The following MACF1 variants were observed in gnomAD, a reference collection of about 807,000 sequenced individuals.
The protein encoded by MACF1 is microtubule actin crosslinking factor 1, also known as microtubule-actin cross-linking factor 1.
Under a neutral mutation model 854.8 loss-of-function variants are expected in MACF1, and 193 were observed. That is an observed-to-expected ratio of 0.23 (90% CI 0.20 to 0.25). The LOEUF is 0.25. Among genes scored for constraint, MACF1 ranks in the 10% least tolerant of loss-of-function variants. The pLI is 1.00. For missense variants in MACF1, 7,722 were observed against 8,929.1 expected (o/e 0.86, Z 5.45); for synonymous variants, 3,185 against 3,226.7 (o/e 0.99, Z 0.44).
chr1:39,297,783 AAG>A (rs767244643), intron 21 of MACF1, 38 bp downstream of exon 21: 3 of 1,610,782 alleles, frequency 1.9e-6, no homozygotes, highest in African/African-American at 1.3e-5. Flanking sequence ...ACTTCTGAGA[AAG>A]AGAGTAAACC....
rs986994528 is a variant in MACF1, at chr1:39,254,126, C to T, written c.358-172C>T. 1.8e-4 allele frequency: 105 copies of T among 583,986 alleles called. 1 individual carries two copies. In the South Asian group the frequency reaches 2.1e-3, roughly 12 times the overall value. 36.2% of individuals were successfully genotyped at this position (583,986 alleles called of 1,614,324 possible). A position where few individuals can be genotyped will look rare whatever the true frequency, so the allele number is the denominator to read the frequency against. Reference sequence around the variant, plus strand: ...ATTTGGGGACCTCAGAGAGCCTGGTCGAAACACGTACAGGCCTGGTCTTAG... The same window carrying T: ...ATTTGGGGACCTCAGAGAGCCTGGTTGAAACACGTACAGGCCTGGTCTTAG... On this transcript the variant is annotated intron_variant, in intron 4 of 100. Coordinates refer to ENST00000564288, the MANE Select transcript of MACF1 (RefSeq NM_001394062.1).
At chr1:39,469,483 C>T in intron 96 of MACF1, 64 bp from the exon 97 acceptor site, 6 of 1,263,428 alleles carry the variant, frequency 4.7e-6, no homozygotes, top group Non-Finnish European at 6.8e-6. Flanking sequence ...ATTTGTCTTT[C>T]TTGACTAGTT....
At chr1:39,422,985 C>A in intron 60 of MACF1, 85 bp downstream of exon 60, 2 of 1,280,136 alleles carry the variant, frequency 1.6e-6, no homozygotes, top group South Asian at 1.4e-5. Flanking sequence ...AGAAGCAGTT[C>A]AGGAGTTTTA....
chr1:39,232,746 GTTTTTTTTTT>G (rs10712180), intron 2 of MACF1, among the ~76,000 whole-genome samples: 5 of 128,488 alleles, frequency 3.9e-5, no homozygotes, highest in African/African-American at 5.8e-5. Context: ...TACTCTCTTT[GTTTTTTTTTT>G]TTTTTTTTTT....
At position 39,322,670 on chromosome 1, in the gene MACF1, C is replaced by T; in HGVS notation, c.4092C>T (p.Gly1364=). The change falls in exon 32 of 101, where the codon GGC becomes GGT. Residue 1364 remains glycine, a synonymous_variant. Coordinates refer to ENST00000564288, the MANE Select transcript of MACF1 (RefSeq NM_001394062.1). ...AFVESQQKSP[G]KRRRMLSSSD... ...TGGAATCGCAGCAGAAATCCCCTGG[C>T]AAGCGCCGTCGCATGCTTTCCTCTT... 1 of 1,614,138 alleles carries T rather than the reference C, an allele frequency of 6.2e-7. No individual in the cohort carries two copies.
chr1:39,414,535 C>T, intron 58 of MACF1: 1 of 1,601,922 alleles, frequency 6.2e-7, no homozygotes, highest in Non-Finnish European at 8.5e-7. Context: ...ATTTGCAGGG[C>T]TGACCTGGTG....
chr1:39,152,328 G>A (rs1305136856), intron 2 of MACF1, among the ~76,000 whole-genome samples: 1 of 152,024 alleles, frequency 6.6e-6, no homozygotes, highest in Non-Finnish European at 1.5e-5. Context: ...GTTTCAAAAG[G>A]TATGTGTACT....
Position 39,095,735 on chromosome 1 carries a change from TGTG to T in MACF1, c.220+11304_220+11306del, listed in dbSNP as rs965743980. On this transcript the variant is annotated intron_variant, in intron 2 of 93. Transcript: ENST00000361689. ...CATCTCCACAAAAAAAAAAATTAGG[TGTG>T]GTGGTGCATGCCTGTAGTCCTAGCT... Among the ~76,000 whole-genome samples, 55 of 145,774 alleles carry T rather than the reference TGTG, an allele frequency of 3.8e-4. 1 individual carries two copies. The highest frequency in any genetic ancestry group is 2.0e-3 in the Admixed American group (29 of 14,650).
In MACF1 at chr1:39,331,284, C is replaced by G. The variant is rs1464317756; in HGVS notation, c.4696C>G (p.Leu1566Val). 2 of 1,610,786 alleles carry G rather than the reference C, an allele frequency of 1.2e-6. No individual in the cohort carries two copies. Among genetic ancestry groups the G allele is most frequent in the African/African-American group, 1.4e-5 (1 of 73,688 alleles). Residue 1566 changes from leucine to valine, a missense_variant, in exon 37 of 101, where the codon CTT becomes GTT. Around this residue, in one of 15 missense-constraint regions of MACF1, gnomAD observed 1,531 missense variants for 1,601.6 expected, o/e 0.96. Coordinates refer to ENST00000564288, the MANE Select transcript of MACF1 (RefSeq NM_001394062.1). ...PIFKAMQKGL[L>V]DQDTGLVLLE... ...CTTCAAAGCCATGCAAAAGGGCCTC[C>G]TTGACCAAGACACAGGCCTAGTGCT...
At chr1:39,214,995 T>C (rs1230562497) in intron 1 of MACF1, among the ~76,000 whole-genome samples, 2 of 152,154 alleles carry the variant, frequency 1.3e-5, no homozygotes, top group East Asian at 1.9e-4. Context: ...CAAAGACCAG[T>C]TTCTTCCTAC....
intron 84 of MACF1, among the ~76,000 whole-genome samples, chr1:39,450,671 G>C (rs1644324446): frequency 6.7e-6 from 1 of 148,498 alleles, no homozygotes; most frequent in Non-Finnish European, 1.5e-5. Flanking sequence ...GAGTGCAGTG[G>C]TGCAATCTCG....
chr1:39,330,852 A>G (rs1215806536), intron 36 of MACF1, among the ~76,000 whole-genome samples: 1 of 146,538 alleles, frequency 6.8e-6, no homozygotes, highest in Non-Finnish European at 1.5e-5. Context: ...CCCAGGCTGG[A>G]GTGCAGTGAT....
chr1:39,344,936 A>C (rs1043456148), intron 40 of MACF1, among the ~76,000 whole-genome samples: 3 of 152,062 alleles, frequency 2.0e-5, no homozygotes, highest in African/African-American at 7.2e-5. Context: ...CCTGACCGTC[A>C]CCTGATGGTC....
chr1:39,414,053 C>T (rs770591795), intron 58 of MACF1: 4 of 1,606,954 alleles, frequency 2.5e-6, no homozygotes, highest in East Asian at 2.2e-5. Context: ...GCAGTGCTCA[C>T]CCCAGAGGAA....
rs1282239433 is a variant in MACF1 at position 39,198,516 on chromosome 1, TG to T, written c.221-32664del. On this transcript the variant is annotated intron_variant, in intron 2 of 93. Coordinates refer to the MACF1 transcript ENST00000361689. The stretch of plus-strand genomic sequence containing the variant: ...AAATACAAAAATTAGCCGGGTGTGG[TG>T]GTGTGTGCCTGTAATCCCAGCTACT... Among the ~76,000 whole-genome samples the T allele has an allele frequency of 4.6e-5, 7 of 152,116 alleles. No individual in the cohort carries two copies. In the East Asian group the frequency reaches 9.6e-4, roughly 21 times the overall value.
intron 6 of MACF1, among the ~76,000 whole-genome samples, chr1:39,270,024 G>A (rs1645285959): frequency 6.6e-6 from 1 of 152,214 alleles, no homozygotes; most frequent in Non-Finnish European, 1.5e-5. Flanking sequence ...TCTCAGGCAG[G>A]TCTGTTTACC....
chr1:39,143,012 G>A (rs193013507), intron 2 of MACF1, among the ~76,000 whole-genome samples: 2 of 152,198 alleles, frequency 1.3e-5, no homozygotes, highest in Non-Finnish European at 2.9e-5. Context: ...GCGGTGACCC[G>A]AGTGAAGGTG....
At chr1:39,359,295 C>T in intron 47 of MACF1, 31 bp downstream of exon 47, 1 of 1,609,724 alleles carries the variant, frequency 6.2e-7, no homozygotes. Context: ...AATAGTACTC[C>T]CTTAATTCCT....
chr1:39,374,822 T>G (rs1225583363), intron 52 of MACF1, among the ~76,000 whole-genome samples: 1 of 151,992 alleles, frequency 6.6e-6, no homozygotes, highest in Admixed American at 6.6e-5. Context: ...CAAAACATTT[T>G]GTTGGCTGCC....
Sources: gnomAD v4.1 joint callset for allele counts (sites outside exome capture counted in the v4.1 genomes callset) on GRCh38, gnomAD v4.1.1 for gene constraint, gnomAD v4.1.1 regional missense constraint, MANE v1.5 for transcripts, NCBI Gene and HGNC (gene_info 2026-07-23, HGNC 2026-07-21) for gene names.